Variants in ZSWIM2 observed in about 807,000 individuals in gnomAD.
ZSWIM2 encodes the protein E3 ubiquitin-protein ligase ZSWIM2.
A neutral mutation model predicts 48.4 loss-of-function variants in ZSWIM2; 38 were observed. The ratio of observed to expected loss-of-function variants is 0.79; its 90% CI spans 0.61 to 1.03. The LOEUF (loss-of-function observed/expected upper bound fraction) is 1.03. Among genes scored for constraint, ZSWIM2 ranks in the 50% least tolerant of loss-of-function variants. ZSWIM2 has a pLI of 0.00. For missense variants in ZSWIM2, 776 were observed against 730.2 expected, an observed-to-expected ratio of 1.06 and a Z score of -0.72; for synonymous variants, 240 against 251.3, an observed-to-expected ratio of 0.96 and a Z score of 0.42.
At chr2:186,844,494 A>C (rs995860832) in intron 3 of ZSWIM2, among the ~76,000 whole-genome samples, 3 of 151,524 alleles carry the variant, frequency 2.0e-5, no homozygotes, top group Non-Finnish European at 3.0e-5. Context: ...GTTTTTATTA[A>C]GTGCCTATGA....
At chr2:186,834,704 T>C (rs1199737634) in intron 5 of ZSWIM2, among the ~76,000 whole-genome samples, 1 of 152,008 alleles carries the variant, frequency 6.6e-6, no homozygotes, top group Non-Finnish European at 1.5e-5. Context: ...ATTTATTAGC[T>C]TGTGACCCTT....
rs563414316 is a variant in ZSWIM2 at position 186,837,536 on chromosome 2, A to G, written c.513T>C (p.Ser171=). ...VTFCRFGCGN[S]IHIKCMKILA... is the part of the protein sequence containing the mutation. Reference sequence around the variant, plus strand: ...AGATCTTCATGCATTTTATATGAATACTATTGCCACAGCCAAACCTATGAG... The same window carrying G: ...AGATCTTCATGCATTTTATATGAATGCTATTGCCACAGCCAAACCTATGAG... The change falls in exon 5 of 9, where the codon AGT becomes AGC. Residue 171 remains serine (S), a synonymous_variant. Coordinates refer to ENST00000295131, the MANE Select transcript of ZSWIM2 (RefSeq NM_182521.3). 9 of 1,610,250 alleles carry G rather than the reference A, an allele frequency of 5.6e-6. No homozygotes were observed. The highest frequency in any genetic ancestry group is 2.2e-5 in the East Asian group (1 of 44,772).
intron 5 of ZSWIM2, among the ~76,000 whole-genome samples, chr2:186,834,542 G>A (rs1691760680): frequency 2.0e-5 from 3 of 152,048 alleles, no homozygotes. Context: ...TAGGTTGTGT[G>A]CTCCTTATGA....
chr2:186,829,161 T>G (rs953017810), intron 8 of ZSWIM2, among the ~76,000 whole-genome samples: 6 of 152,086 alleles, frequency 3.9e-5, no homozygotes, highest in Non-Finnish European at 7.4e-5. Context: ...AATAACAAAT[T>G]AAGTTTTTGA....
chr2:186,847,801 A>G lies in ZSWIM2; in HGVS notation c.166-6T>C. 6.2e-7 allele frequency: 1 copy of G among 1,602,560 alleles called. No homozygotes were observed. Among genetic ancestry groups the G allele is most frequent in the Non-Finnish European group, 8.5e-7 (1 of 1,173,758 alleles). On this transcript the variant is annotated splice_region_variant and splice_polypyrimidine_tract_variant and intron_variant, in intron 1 of 8. Transcript: ENST00000295131. ...TGAGGATTTCCTAGAAAAACCTTTA[A>G]AGGAAAAATGCATACTTAAAAAGAC...
In ZSWIM2 at chr2:186,838,954, A is replaced by C; in HGVS notation, c.494+5T>G. On this transcript the variant is annotated splice_donor_5th_base_variant and intron_variant, in intron 4 of 8. Transcript: ENST00000295131. ...TTTTAAGAATCTAAAGAAAAAGTAC[A>C]TCACCTGCAAAAGGTGACAGGAAGC... 5 of 1,604,136 alleles carry C rather than the reference A, an allele frequency of 3.1e-6. No homozygotes were observed. The highest frequency in any genetic ancestry group is 3.4e-6 in the Non-Finnish European group (4 of 1,174,768).
chr2:186,829,664 G>A, intron 8 of ZSWIM2, 63 bp downstream of exon 8: 1 of 1,539,182 alleles, frequency 6.5e-7, no homozygotes. Context: ...GACTTAAATT[G>A]TCACTTCATT....
chr2:186,833,256 T>C, intron 6 of ZSWIM2, 24 bp from the exon 7 acceptor site: 1 of 1,228,802 alleles, frequency 8.1e-7, no homozygotes, highest in Non-Finnish European at 1.1e-6. Context: ...AAGTAGATGT[T>C]ACTTTGCAAA....
At position 186,828,148 on chromosome 2, in the gene ZSWIM2, T is replaced by C. The variant is rs746771077; in HGVS notation, c.1738A>G (p.Ile580Val). 5.8e-5 allele frequency: 93 copies of C among 1,613,480 alleles called. No individual in the cohort carries two copies. The highest frequency in any genetic ancestry group is 8.3e-5 in the Admixed American group (5 of 59,898). ...STLLPEDFNLIVNWSTAKLSL... is the reference protein window; with the variant it reads ...STLLPEDFNLVVNWSTAKLSL... The stretch of plus-strand genomic sequence containing the variant: ...AGTTTAGCTGTGCTCCAATTGACAA[T>C]AAGATTGAAATCCTCTGGAAGTAAA... The change falls in exon 9 of 9, where the codon ATT becomes GTT. Residue 580 changes from isoleucine (I) to valine (V), a missense_variant. Ile to Val is a conservative substitution (Grantham distance 29). Coordinates refer to ENST00000295131, the MANE Select transcript of ZSWIM2 (RefSeq NM_182521.3).
At chr2:186,831,354 C>T (rs553727747) in intron 7 of ZSWIM2, among the ~76,000 whole-genome samples, 12 of 142,824 alleles carry the variant, frequency 8.4e-5, no homozygotes, top group East Asian at 3.9e-4. Context: ...TGTATGTATA[C>T]GTGTGTGGGG....
In ZSWIM2 at chr2:186,828,652, C is replaced by T; in HGVS notation, c.1234G>A (p.Asp412Asn). The change falls in exon 9 of 9, where the codon GAC (aspartate) becomes AAC (asparagine). Residue 412 changes from aspartate (D) to asparagine (N), a missense_variant. Coordinates refer to ENST00000295131, the MANE Select transcript of ZSWIM2 (RefSeq NM_182521.3). ...TTCTGCTTTGATAGATGAATGATGT[C>T]TCTGTTTGAAACAGACTGATGTGCT... ...GQAHQSVSNR[D>N]IIHLSKQKEP... The T allele has an allele frequency of 6.2e-7, 1 of 1,613,238 alleles. No homozygotes were observed. Among genetic ancestry groups the T allele is most frequent in the Non-Finnish European group, 8.5e-7 (1 of 1,179,648 alleles).
At chr2:186,843,571 C>T (rs942003390) in intron 3 of ZSWIM2, among the ~76,000 whole-genome samples, 3 of 150,364 alleles carry the variant, frequency 2.0e-5, no homozygotes, top group Non-Finnish European at 3.0e-5. Flanking sequence ...CAGAAGAGGA[C>T]GAGAGAGAAA....
rs986060494 is a variant in ZSWIM2 at position 186,838,825 on chromosome 2, A to C, written c.494+134T>G. The stretch of plus-strand genomic sequence containing the variant: ...TGTGTGTGTGTTAGGAAATAAAAGA[A>C]TGTTAATTAAGTATAAATTAGCAGT... On this transcript the variant is annotated intron_variant, in intron 4 of 8. Coordinates refer to ENST00000295131, the MANE Select transcript of ZSWIM2 (RefSeq NM_182521.3). 7.4e-6 allele frequency: 3 copies of C among 404,756 alleles called. No individual in the cohort carries two copies. In the Admixed American group the frequency reaches 1.3e-4, roughly 17 times the overall value. 25.1% of individuals were successfully genotyped at this position (404,756 alleles called of 1,614,324 possible).
chr2:186,828,154 T>C lies in ZSWIM2; in HGVS notation c.1732A>G (p.Asn578Asp). The change falls in exon 9 of 9, where the codon AAT (asparagine) becomes GAT (aspartate). Residue 578 changes from asparagine to aspartate, a missense_variant. By Grantham distance (23) the Asn-to-Asp change is conservative (BLOSUM62 1). Transcript: ENST00000295131. ...KRSTLLPEDF[N>D]LIVNWSTAKL... Reference sequence around the variant, plus strand: ...GCTGTGCTCCAATTGACAATAAGATTGAAATCCTCTGGAAGTAAAGTTGAT... The same window carrying C: ...GCTGTGCTCCAATTGACAATAAGATCGAAATCCTCTGGAAGTAAAGTTGAT... The C allele has an allele frequency of 6.2e-7, 1 of 1,613,586 alleles. No homozygotes were observed. Among genetic ancestry groups the C allele is most frequent in the Non-Finnish European group, 8.5e-7 (1 of 1,179,718 alleles).
intron 8 of ZSWIM2, among the ~76,000 whole-genome samples, chr2:186,829,157 A>G (rs542891935): frequency 9.2e-4 from 140 of 152,258 alleles, no homozygotes; most frequent in African/African-American, 3.1e-3. Context: ...ATAAAATAAC[A>G]AATTAAGTTT....
chr2:186,827,554 T>G lies in ZSWIM2; in HGVS notation c.*430A>C, dbSNP rs944803967. 1.1e-5 allele frequency among the ~76,000 whole-genome samples: 1 copy of G among 89,434 alleles called. No individual in the cohort carries two copies. The highest frequency in any genetic ancestry group is 2.9e-5 in the Non-Finnish European group (1 of 34,596). The allele number at this position is 89,434 out of a possible 152,430, so 58.7% of individuals were successfully genotyped here. ...AACTCCTTTATGGAGTTTTTTAAGG[T>G]TTTTTTTTATAGGTTTGTGGTAATT... On this transcript the variant is annotated 3_prime_UTR_variant, in exon 9 of 9. Coordinates refer to ENST00000295131, the MANE Select transcript of ZSWIM2 (RefSeq NM_182521.3).
chr2:186,838,557 G>T (rs1691841085), intron 4 of ZSWIM2, among the ~76,000 whole-genome samples: 1 of 150,138 alleles, frequency 6.7e-6, no homozygotes, highest in South Asian at 2.1e-4. Context: ...ACTTAAGGTG[G>T]GAAGAGGAAT....
chr2:186,844,645 A>G, intron 3 of ZSWIM2, 72 bp downstream of exon 3: 2 of 1,400,384 alleles, frequency 1.4e-6, no homozygotes, highest in Non-Finnish European at 1.9e-6. Context: ...TAAATAAAAC[A>G]TTCTTATATT....
chr2:186,841,057 G>GCTTTT (rs1691894409), intron 3 of ZSWIM2, among the ~76,000 whole-genome samples: 2 of 151,400 alleles, frequency 1.3e-5, no homozygotes, highest in Non-Finnish European at 3.0e-5. Context: ...AAAACTGACT[G>GCTTTT]AATAAACACT....
Sources: allele counts gnomAD v4.1 joint callset (sites outside exome capture counted in the v4.1 genomes callset), GRCh38; gene constraint gnomAD v4.1.1; transcripts MANE v1.5; gene names NCBI Gene and HGNC (gene_info 2026-07-23, HGNC 2026-07-21).